NME9: variants seen among roughly 807,000 people sequenced by gnomAD.
NME9 encodes NME/NM23 family member 9.
Under a neutral mutation model 44.4 loss-of-function variants are expected in NME9, and 48 were observed. The ratio of observed to expected loss-of-function variants is 1.08; its 90% CI spans 0.86 to 1.37. The LOEUF is 1.37. Ranked by LOEUF, NME9 falls within the 40% of genes most tolerant of loss-of-function variation. NME9 has a pLI of 0.00. For synonymous variants in NME9, 139 were observed against 147.1 expected (o/e 0.94, Z 0.40); for missense variants, 325 against 405.2 (o/e 0.80, Z 1.70).
At chr3:138,309,899 T>C (rs1423418677) in intron 6 of NME9, among the ~76,000 whole-genome samples, 1 of 151,348 alleles carries the variant, frequency 6.6e-6, no homozygotes. Flanking sequence ...TGGTGGTCCA[T>C]GCCTGTAATC....
At chr3:138,273,709 C>T (rs1275328596) in intron 8 of NME9, among the ~76,000 whole-genome samples, 1 of 152,098 alleles carries the variant, frequency 6.6e-6, no homozygotes, top group Non-Finnish European at 1.5e-5. Context: ...TCTCTGTGCC[C>T]CACAAGTTGT....
chr3:138,280,497 CTT>C (rs1039909334), intron 8 of NME9, among the ~76,000 whole-genome samples: 9 of 107,058 alleles, frequency 8.4e-5, no homozygotes, highest in Non-Finnish European at 9.9e-5. Flanking sequence ...TCTTTTTTTT[CTT>C]TTTTTTTTTT....
intron 6 of NME9, among the ~76,000 whole-genome samples, chr3:138,309,315 A>G (rs1560104816): frequency 6.6e-6 from 1 of 151,316 alleles, no homozygotes; most frequent in East Asian, 1.9e-4. Context: ...AAAAAAAAAA[A>G]GAAGGAATGC....
At chr3:138,302,467 C>T (rs148617698) in intron 10 of NME9, among the ~76,000 whole-genome samples, 5 of 152,304 alleles carry the variant, frequency 3.3e-5, no homozygotes, top group African/African-American at 1.2e-4. Context: ...CAACCCTGGA[C>T]ACATAAGGAA....
chr3:138,315,466 C>A lies in NME9; in HGVS notation c.384+61G>T, dbSNP rs2053005079. 10 of 1,143,188 alleles carry A rather than the reference C, an allele frequency of 8.7e-6. No individual in the cohort carries two copies. In the South Asian group the frequency reaches 1.4e-4, roughly 15 times the overall value. 70.8% of individuals were successfully genotyped at this position (1,143,188 alleles called of 1,614,324 possible). A position where few individuals can be genotyped will look rare whatever the true frequency, so the allele number is the denominator to read the frequency against. ...AGTCAGGTGAAGGAGATGGGGACTG[C>A]TGATCTCGCCCTACTAGCGCACTTG... On this transcript the variant is annotated intron_variant, in intron 5 of 10. Transcript: ENST00000333911.
chr3:138,296,225 AAC>A, downstream of NME9: 1 of 242,860 alleles, frequency 4.1e-6, no homozygotes, highest in Non-Finnish European at 8.0e-6. Flanking sequence ...TGTCTGTGTG[AAC>A]ACACAGGCAT....
chr3:138,297,833 C>G (rs980656675), downstream of NME9: 2 of 152,126 alleles, frequency 1.3e-5, no homozygotes, highest in African/African-American at 4.8e-5. Context: ...ATTTTTAACA[C>G]AAAACACTAT....
rs948044323 is a variant in NME9 at position 138,315,538 on chromosome 3, C to T, written c.373G>A (p.Glu125Lys). ...TGACCTCCAGTTACCACTTTCCGTT[C>T]TCTGCCTTCAGCCAGCACTTTCTTT... ...AEKKVLAEGR[E>K]RKVIKDEALS... The change falls in exon 5 of 11, where the codon GAA (glutamate) becomes AAA (lysine). Residue 125 changes from glutamate (E) to lysine (K), a missense_variant. By Grantham distance (56) the Glu-to-Lys change is moderately conservative. Coordinates refer to ENST00000333911, the MANE Select transcript of NME9 (RefSeq NM_001349018.2). 5.9e-6 allele frequency: 9 copies of T among 1,536,348 alleles called. No individual in the cohort carries two copies. Among genetic ancestry groups the T allele is most frequent in the Non-Finnish European group, 7.8e-6 (9 of 1,146,888 alleles).
chr3:138,307,999 C>G (rs1045186873), intron 6 of NME9, among the ~76,000 whole-genome samples: 3 of 151,980 alleles, frequency 2.0e-5, no homozygotes, highest in African/African-American at 7.3e-5. Context: ...GTGAAGGTGG[C>G]CTAGAGTGTG....
rs1474410819 is a variant in NME9 at position 138,301,607 on chromosome 3, G to A, written c.*33C>T. 1 of 1,535,946 alleles carries A rather than the reference G, an allele frequency of 6.5e-7. No homozygotes were observed. Among genetic ancestry groups the A allele is most frequent in the Non-Finnish European group, 8.7e-7 (1 of 1,146,796 alleles). On this transcript the variant is annotated 3_prime_UTR_variant, in exon 11 of 11. Transcript: ENST00000333911. The stretch of plus-strand genomic sequence containing the variant: ...GGTCTGTTTTGTGCAGTAGACCCCT[G>A]GTCACGTGCTCTGGAAGAGCAGCAC...
intron 8 of NME9, among the ~76,000 whole-genome samples, chr3:138,285,683 C>G (rs2050341007): frequency 6.6e-6 from 1 of 152,176 alleles, no homozygotes; most frequent in South Asian, 2.1e-4. Flanking sequence ...TGTGTGCCTA[C>G]TGGGTGTCTT....
At chr3:138,309,785 T>C (rs1028872826) in intron 6 of NME9, among the ~76,000 whole-genome samples, 1 of 151,802 alleles carries the variant, frequency 6.6e-6, no homozygotes, top group Admixed American at 6.5e-5. Context: ...CCCAAGACTT[T>C]GGGAGGCCAA....
intron 6 of NME9, 83 bp from the exon 7 acceptor site, chr3:138,306,563 C>G (rs2108434927): frequency 2.5e-6 from 2 of 785,414 alleles, no homozygotes; most frequent in Middle Eastern, 2.6e-4. Context: ...AACCTCTACA[C>G]AAGGCTCCAT....
intron 3 of NME9, among the ~76,000 whole-genome samples, chr3:138,318,800 C>A (rs1179008377): frequency 6.6e-6 from 1 of 152,168 alleles, no homozygotes; most frequent in East Asian, 1.9e-4. Flanking sequence ...ATACATTCAT[C>A]CAAATAAATA....
chr3:138,305,363 T>C (rs1020084738), intron 8 of NME9, among the ~76,000 whole-genome samples: 2 of 152,236 alleles, frequency 1.3e-5, no homozygotes, highest in Non-Finnish European at 2.9e-5. Flanking sequence ...CGTGTGATGC[T>C]GGATAACCAA....
chr3:138,263,969 A>G (rs758013819), intron 8 of NME9: 20 of 964,486 alleles, frequency 2.1e-5, no homozygotes, highest in Non-Finnish European at 3.2e-5. Flanking sequence ...ATTGTCTAAC[A>G]GAGAGCCTGG....
chr3:138,308,667 A>G (rs1274799336), intron 6 of NME9, among the ~76,000 whole-genome samples: 1 of 152,154 alleles, frequency 6.6e-6, no homozygotes, highest in African/African-American at 2.4e-5. Flanking sequence ...TGGTGTTGCT[A>G]CCCTCCATTT....
rs1204757291 is a variant in NME9, at chr3:138,306,109, T to C, written c.544-13A>G. 2.6e-6 allele frequency: 4 copies of C among 1,551,948 alleles called. No homozygotes were observed. The highest frequency in any genetic ancestry group is 1.7e-5 in the Admixed American group (1 of 59,478). On this transcript the variant is annotated splice_polypyrimidine_tract_variant and intron_variant, in intron 7 of 10. Coordinates refer to ENST00000333911, the MANE Select transcript of NME9 (RefSeq NM_001349018.2). ...CAGCTTCCTGAATCTGTAGAATATA[T>C]ATAAATATTCTAAAAGGGTAAATCA... is the stretch of plus-strand genomic sequence containing the variant.
chr3:138,272,586 A>G (rs1268142941), intron 8 of NME9, among the ~76,000 whole-genome samples: 1 of 152,202 alleles, frequency 6.6e-6, no homozygotes, highest in Non-Finnish European at 1.5e-5. Flanking sequence ...TTTGAAAATT[A>G]TCAGAGTTGG....
Sources: allele counts gnomAD v4.1 joint callset (sites outside exome capture counted in the v4.1 genomes callset), GRCh38; gene constraint gnomAD v4.1.1; transcripts MANE v1.5; gene names NCBI Gene and HGNC (gene_info 2026-07-23, HGNC 2026-07-21).